ZFAND3: variants seen among roughly 807,000 people sequenced by gnomAD.
The protein encoded by ZFAND3 is AN1-type zinc finger protein 3.
Under a neutral mutation model 29.6 loss-of-function variants are expected in ZFAND3, and 10 were observed. That is an observed-to-expected ratio of 0.34 (90% CI 0.21 to 0.57). The LOEUF (loss-of-function observed/expected upper bound fraction) is 0.57, where lower values mean the gene tolerates loss of function less well. Ranked by LOEUF, ZFAND3 falls within the 20% of genes least tolerant of loss-of-function variation. The pLI, the probability that ZFAND3 is intolerant of heterozygous loss-of-function variation, is 0.86. For missense variants in ZFAND3, 230 were observed against 304.5 expected (o/e 0.76, Z 1.82); for synonymous variants, 128 against 112.6 (o/e 1.14, Z -0.87).
chr6:38,139,118 A>C (rs913784174), intron 5 of ZFAND3, among the ~76,000 whole-genome samples: 6 of 152,228 alleles, frequency 3.9e-5, no homozygotes, highest in African/African-American at 1.4e-4. Flanking sequence ...GAAAAATAAA[A>C]GTATTTTAAG....
chr6:38,050,335 C>T (rs1319791039), intron 2 of ZFAND3, among the ~76,000 whole-genome samples: 1 of 152,004 alleles, frequency 6.6e-6, no homozygotes, highest in Admixed American at 6.6e-5. Context: ...GCCTGGAACT[C>T]CTGGGCTCAA....
At position 37,974,345 on chromosome 6, in the gene ZFAND3, G is replaced by A. The variant is rs977924710; in HGVS notation, c.112+44346G>A. Reference sequence around the variant, plus strand: ...TCCCCAGACTGCTGGGATTACAGGCGTGAGCTACCGTGCCTGGCCTGAAAT... The same window carrying A: ...TCCCCAGACTGCTGGGATTACAGGCATGAGCTACCGTGCCTGGCCTGAAAT... On this transcript the variant is annotated intron_variant, in intron 2 of 5. Transcript: ENST00000287218. Among the ~76,000 whole-genome samples the A allele has an allele frequency of 4.0e-5, 6 of 151,698 alleles. 1 individual carries two copies. The highest frequency in any genetic ancestry group is 2.1e-4 in the South Asian group (1 of 4,788).
In ZFAND3 at chr6:38,154,248, C is replaced by T. The variant is rs7768919; in HGVS notation, c.*1859C>T. The T allele has an allele frequency of 6.1e-3, 5,972 of 985,560 alleles. 108 individuals are homozygous for T. The highest frequency in any genetic ancestry group is 0.056 in the African/African-American group (3,199 of 57,360). The allele number at this position is 985,560 out of a possible 1,614,324, so 61.1% of individuals were successfully genotyped here. A position where few individuals can be genotyped will look rare whatever the true frequency, so the allele number is the denominator to read the frequency against. On this transcript the variant is annotated 3_prime_UTR_variant, in exon 6 of 6. Coordinates refer to ENST00000287218, the MANE Select transcript of ZFAND3 (RefSeq NM_021943.3). ...TGGTCCCGAAGAGGCTGTGCGAGCC[C>T]TTCCCGGCCCTCCCCAGGGCCCCCC...
intron 2 of ZFAND3, among the ~76,000 whole-genome samples, chr6:37,985,499 C>CCACACACA (rs5875607): frequency 0.021 from 2,978 of 141,642 alleles, 50 homozygotes; most frequent in African/African-American, 0.047. Context: ...GCTTGTGGTT[C>CCACACACA]CACACACACA....
intron 2 of ZFAND3, among the ~76,000 whole-genome samples, chr6:37,955,168 T>TGTGC (rs1554162263): frequency 1.1e-4 from 17 of 151,558 alleles, no homozygotes; most frequent in Admixed American, 5.9e-4. Context: ...TGTGTGTGTG[T>TGTGC]GTGTCTCTAA....
chr6:38,031,041 T>C (rs1409063698), intron 2 of ZFAND3, among the ~76,000 whole-genome samples: 4 of 152,162 alleles, frequency 2.6e-5, no homozygotes, highest in African/African-American at 7.2e-5. Flanking sequence ...TAAATAAGAA[T>C]GTGATAGATC....
intron 1 of ZFAND3, among the ~76,000 whole-genome samples, chr6:37,883,938 C>T (rs1764942955): frequency 6.9e-6 from 1 of 145,326 alleles, no homozygotes; most frequent in South Asian, 2.1e-4. Flanking sequence ...GAACCTTTAG[C>T]CAGAGTTTCT....
rs1216030079 is a variant in ZFAND3 at position 38,015,322 on chromosome 6, G to A, written c.113-46271G>A. On this transcript the variant is annotated intron_variant, in intron 2 of 5. Transcript: ENST00000287218. Reference sequence around the variant, plus strand: ...TTATTGGCAAAAATTAAAATGTCTGGCACTGCCAAATGTTAATGAGGATGT... The same window carrying A: ...TTATTGGCAAAAATTAAAATGTCTGACACTGCCAAATGTTAATGAGGATGT... Among the ~76,000 whole-genome samples, 4 of 152,158 alleles carry A rather than the reference G, an allele frequency of 2.6e-5. No individual in the cohort carries two copies. In the East Asian group the frequency reaches 7.7e-4, roughly 29 times the overall value.
intron 1 of ZFAND3, among the ~76,000 whole-genome samples, chr6:37,872,529 A>G (rs781073410): frequency 2.0e-5 from 3 of 152,046 alleles, no homozygotes; most frequent in Non-Finnish European, 4.4e-5. Context: ...ATTTCTCTTC[A>G]TGTCCCTTCT....
In ZFAND3 at chr6:37,829,392, T is replaced by G. The variant is rs1763818347; in HGVS notation, c.71+9376T>G. On this transcript the variant is annotated intron_variant, in intron 1 of 5. Transcript: ENST00000287218. ...CTCTACTGAAAATACAGAAATTAGCTGGGCTTAATGGCCTGCGCCTGTAAT... is the reference window on the plus strand; with the variant it reads ...CTCTACTGAAAATACAGAAATTAGCGGGGCTTAATGGCCTGCGCCTGTAAT... Among the ~76,000 whole-genome samples, 10 of 152,184 alleles carry G rather than the reference T, an allele frequency of 6.6e-5. 1 individual carries two copies. The South Asian group carries it at 2.1e-3, about 32-fold the overall frequency.
At chr6:37,843,795 T>C (rs553613042) in intron 1 of ZFAND3, among the ~76,000 whole-genome samples, 2 of 152,126 alleles carry the variant, frequency 1.3e-5, no homozygotes, top group African/African-American at 4.8e-5. Flanking sequence ...TTTCCAACAC[T>C]GATAGTTTTC....
chr6:38,006,959 C>T (rs557863683), intron 2 of ZFAND3, among the ~76,000 whole-genome samples: 1 of 152,232 alleles, frequency 6.6e-6, no homozygotes, highest in East Asian at 1.9e-4. Context: ...CTCTGTTTAG[C>T]ATCCCGAGTT....
intron 5 of ZFAND3, among the ~76,000 whole-genome samples, chr6:38,140,409 G>C (rs1279771542): frequency 7.9e-5 from 12 of 152,210 alleles, no homozygotes. Flanking sequence ...AGAGCCCACA[G>C]GAGTAGTCAG....
chr6:38,033,390 C>G (rs1036096763), intron 2 of ZFAND3, among the ~76,000 whole-genome samples: 2 of 152,036 alleles, frequency 1.3e-5, no homozygotes, highest in African/African-American at 4.8e-5. Flanking sequence ...GTTTCTCTAG[C>G]TAGAGTTGAT....
At chr6:37,915,197 T>G (rs1375209005) in intron 1 of ZFAND3, among the ~76,000 whole-genome samples, 2 of 152,218 alleles carry the variant, frequency 1.3e-5, no homozygotes, top group Admixed American at 6.5e-5. Context: ...CTCACTTCTC[T>G]CAGCCTTTAT....
intron 2 of ZFAND3, among the ~76,000 whole-genome samples, chr6:37,999,858 T>C (rs1762913826): frequency 6.6e-6 from 1 of 152,170 alleles, no homozygotes; most frequent in African/African-American, 2.4e-5. Context: ...GGTGTCAATA[T>C]TGGCTCGTTA....
chr6:38,144,170 T>G (rs1766019697), intron 5 of ZFAND3, among the ~76,000 whole-genome samples: 1 of 34,212 alleles, frequency 2.9e-5, no homozygotes, highest in Non-Finnish European at 5.4e-5. Flanking sequence ...TAGAAAAATG[T>G]GATATATATA....
intron 1 of ZFAND3, among the ~76,000 whole-genome samples, chr6:37,922,119 G>A (rs1761392986): frequency 6.6e-6 from 1 of 151,894 alleles, no homozygotes; most frequent in African/African-American, 2.4e-5. Context: ...TGGCAAAGAT[G>A]TATTCAAAAT....
rs1419443328 is a variant in ZFAND3, at chr6:38,041,681, T to TCTC, written c.113-19910_113-19909insCCT. Among the ~76,000 whole-genome samples the TCTC allele has an allele frequency of 1.3e-3, 18 of 13,736 alleles. 1 individual carries two copies. Among genetic ancestry groups the TCTC allele is most frequent in the African/African-American group, 2.4e-3 (11 of 4,530 alleles). 9.0% of individuals were successfully genotyped at this position (13,736 alleles called of 152,430 possible). ...TTCTTCTTCTTCTTCTTCTTCTTCT[T>TCTC]CTTCTCCTTCTCCTTCTCCTCCTCC... On this transcript the variant is annotated intron_variant, in intron 2 of 5. Coordinates refer to ENST00000287218, the MANE Select transcript of ZFAND3 (RefSeq NM_021943.3).
Sources: allele counts gnomAD v4.1 joint callset (sites outside exome capture counted in the v4.1 genomes callset), GRCh38; gene constraint gnomAD v4.1.1; transcripts MANE v1.5; gene names NCBI Gene and HGNC (gene_info 2026-07-23, HGNC 2026-07-21).